The following RPL23 variants were observed in gnomAD, a reference collection of about 807,000 sequenced individuals.
RPL23 encodes the protein ribosomal protein L23.
For missense variants in RPL23, 79 were observed against 178.8 expected, an observed-to-expected ratio of 0.44 and a Z score of 3.18; for synonymous variants, 63 against 65.3, an observed-to-expected ratio of 0.97 and a Z score of 0.17.
rs946471150 is a variant in RPL23 at position 38,852,366 on chromosome 17, T to C, written c.226+238A>G. 5 of 495,982 alleles carry C rather than the reference T, an allele frequency of 1.0e-5. No individual in the cohort carries two copies. The East Asian group carries it at 1.1e-4, about 11-fold the overall frequency. The allele number at this position is 495,982 out of a possible 1,614,324, so 30.7% of individuals were successfully genotyped here. A position where few individuals can be genotyped will look rare whatever the true frequency, so the allele number is the denominator to read the frequency against. ...GGCTGGGCGACAGAGAGAGACTCCA[T>C]CTCAAAAAACAAAACAAAACAAAAC... On this transcript the variant is annotated intron_variant, in intron 3 of 4. Coordinates refer to ENST00000479035, the MANE Select transcript of RPL23 (RefSeq NM_000978.4).
At position 38,849,527 on chromosome 17, in the gene RPL23, G is replaced by A. The variant is rs1912944306; in HGVS notation, c.*605C>T. On this transcript the variant is annotated 3_prime_UTR_variant, in exon 5 of 5. Coordinates refer to ENST00000479035, the MANE Select transcript of RPL23 (RefSeq NM_000978.4). Reference sequence around the variant, plus strand: ...TAATTTTTGTATTTTTAGAAAAGAGGAGGTTTCACCACGTTGGTCAGCCTG... The same window carrying A: ...TAATTTTTGTATTTTTAGAAAAGAGAAGGTTTCACCACGTTGGTCAGCCTG... 1 of 151,022 alleles carries A rather than the reference G, an allele frequency of 6.6e-6. No homozygotes were observed. The highest frequency in any genetic ancestry group is 2.1e-4 in the South Asian group (1 of 4,802). The allele number at this position is 151,022 out of a possible 1,614,324, so 9.4% of individuals were successfully genotyped here.
At chr17:38,852,978 A>T in intron 2 of RPL23, 44 bp downstream of exon 2, 1 of 1,557,928 alleles carries the variant, frequency 6.4e-7, no homozygotes, top group South Asian at 1.1e-5. Context: ...AGGCCCATTG[A>T]GTGCTTTTAA....
At chr17:38,852,566 T>C in intron 3 of RPL23, 38 bp downstream of exon 3, 1 of 1,610,232 alleles carries the variant, frequency 6.2e-7, no homozygotes, top group Non-Finnish European at 8.5e-7. Context: ...GTCCCCCCAC[T>C]ACTCATCAGT....
At chr17:38,851,208 G>C (rs1304317801) in intron 3 of RPL23, 1 of 152,172 alleles carries the variant, frequency 6.6e-6, no homozygotes, top group Non-Finnish European at 1.5e-5. Context: ...ACTGATACTA[G>C]CATGGGGTCC....
At chr17:38,850,309 G>C in intron 4 of RPL23, 53 bp downstream of exon 4, 2 of 1,569,080 alleles carry the variant, frequency 1.3e-6, no homozygotes, top group South Asian at 2.2e-5. Context: ...TGTACTTCTA[G>C]ACAATCCACC....
Position 38,848,356 on chromosome 17 carries a change from A to G in RPL23, c.*1776T>C, listed in dbSNP as rs991631552. 2 of 195,128 alleles carry G rather than the reference A, an allele frequency of 1.0e-5. No homozygotes were observed. The highest frequency in any genetic ancestry group is 6.0e-5 in the Admixed American group (1 of 16,632). The allele number at this position is 195,128 out of a possible 1,614,324, so 12.1% of individuals were successfully genotyped here. ...GGGGTTCAAGCAATTCTCCTGCCTCAGCCTCCCAAGTAGCTGGGATTACAG... is the reference window on the plus strand; with the variant it reads ...GGGGTTCAAGCAATTCTCCTGCCTCGGCCTCCCAAGTAGCTGGGATTACAG... On this transcript the variant is annotated 3_prime_UTR_variant, in exon 5 of 5. Transcript: ENST00000479035.
intron 1 of RPL23, 105 bp from the exon 2 acceptor site, chr17:38,853,210 T>C (rs1235253589): frequency 8.2e-6 from 7 of 850,500 alleles, no homozygotes; most frequent in Non-Finnish European, 1.4e-5. Flanking sequence ...CATGCTTTGA[T>C]AGACTGTACG....
rs555809187 is a variant in RPL23, at chr17:38,850,592, T to C, written c.227-117A>G. On this transcript the variant is annotated intron_variant, in intron 3 of 4. Coordinates refer to ENST00000479035, the MANE Select transcript of RPL23 (RefSeq NM_000978.4). ...GCGTTTGAGACAGTGACAGTGTAAA[T>C]ATCAATCTTCAAGGTGATCCTCCCA... 1.9e-4 allele frequency: 135 copies of C among 701,998 alleles called. 1 individual carries two copies. In the South Asian group the frequency reaches 2.1e-3, roughly 11 times the overall value. 43.5% of individuals were successfully genotyped at this position (701,998 alleles called of 1,614,324 possible).
chr17:38,852,887 AAAC>A lies in RPL23; in HGVS notation c.97+132_97+134del, dbSNP rs755125164. 23 of 1,367,048 alleles carry A rather than the reference AAAC, an allele frequency of 1.7e-5. No homozygotes were observed. The East Asian group carries it at 2.5e-4, about 15-fold the overall frequency. 84.7% of individuals were successfully genotyped at this position (1,367,048 alleles called of 1,614,324 possible). On this transcript the variant is annotated intron_variant, in intron 2 of 4. Coordinates refer to ENST00000479035, the MANE Select transcript of RPL23 (RefSeq NM_000978.4). ...GCCTTGTCACACCACCGATTGAAGC[AAAC>A]AACACATGTTGCCACTTCACCCAAA...
Position 38,848,001 on chromosome 17 carries a change from A to T in RPL23, c.*2131T>A. On this transcript the variant is annotated 3_prime_UTR_variant, in exon 5 of 5. Coordinates refer to ENST00000479035, the MANE Select transcript of RPL23 (RefSeq NM_000978.4). ...GGAGGATTCCAAGTCCAGCAGTTCA[A>T]AGTTACAGTGAGCTTCAGTGGTGTT... is the stretch of plus-strand genomic sequence containing the variant. The T allele has an allele frequency of 6.5e-7, 1 of 1,550,140 alleles. No homozygotes were observed. The highest frequency in any genetic ancestry group is 1.2e-5 in the South Asian group (1 of 83,898).
chr17:38,850,145 C>T lies in RPL23; in HGVS notation c.410G>A (p.Gly137Asp), dbSNP rs1431574496. Residue 137 changes from glycine to aspartate, a missense_variant, in exon 5 of 5, where the codon GGC becomes GAC. Coordinates refer to ENST00000479035, the MANE Select transcript of RPL23 (RefSeq NM_000978.4). Reference protein sequence around the residue: ...DLWPRIASNAGSIA With the variant: ...DLWPRIASNADSIA ...TATACTGGAGAATCATGCAATGCTG[C>T]CAGCATTGGATGCAATCCGGGGCCA... 1.3e-6 allele frequency: 2 copies of T among 1,598,228 alleles called. No homozygotes were observed. Among genetic ancestry groups the T allele is most frequent in the Admixed American group, 3.4e-5 (2 of 58,398 alleles).
At chr17:38,851,889 G>A (rs1913012733) in intron 3 of RPL23, 1 of 152,172 alleles carries the variant, frequency 6.6e-6, no homozygotes, top group Admixed American at 6.6e-5. Flanking sequence ...GACATCCCAG[G>A]GTAGAGACAG....
In RPL23 at chr17:38,849,998, A is replaced by G. The variant is rs11656260; in HGVS notation, c.*134T>C. ...CCAGGCATGACGGCAGGTGCCTGTA[A>G]TCCCAGCTACTTAGGAGGCTGAGGC... On this transcript the variant is annotated 3_prime_UTR_variant, in exon 5 of 5. Transcript: ENST00000479035. 6.4e-6 allele frequency: 4 copies of G among 628,960 alleles called. No individual in the cohort carries two copies. The highest frequency in any genetic ancestry group is 3.8e-5 in the African/African-American group (2 of 52,824). The allele number at this position is 628,960 out of a possible 1,614,324, so 39.0% of individuals were successfully genotyped here.
In RPL23 at chr17:38,852,656, A is replaced by C; in HGVS notation, c.174T>G (p.Gly58=). The C allele has an allele frequency of 6.2e-6, 10 of 1,613,224 alleles. No homozygotes were observed. The highest frequency in any genetic ancestry group is 7.6e-6 in the Non-Finnish European group (9 of 1,180,016). ...RLNRLPAAGV[G]DMVMATVKKG... ...TCTTGACTGTGGCCATCACCATGTC[A>C]CCCACACCAGCAGCGGGAAGTCTGT... The change falls in exon 3 of 5, where the codon GGT becomes GGG. Residue 58 remains glycine (G), a synonymous_variant. Coordinates refer to ENST00000479035, the MANE Select transcript of RPL23 (RefSeq NM_000978.4).
In RPL23 at chr17:38,850,448, C is replaced by A; in HGVS notation, c.254G>T (p.Arg85Leu). 1 of 1,613,894 alleles carries A rather than the reference C, an allele frequency of 6.2e-7. No homozygotes were observed. The highest frequency in any genetic ancestry group is 8.5e-7 in the Non-Finnish European group (1 of 1,179,960). The change falls in exon 4 of 5, where the codon CGA (arginine) becomes CTA (leucine). Residue 85 changes from arginine (R) to leucine (L), a missense_variant. By Grantham distance (102) the Arg-to-Leu change is moderately radical. Transcript: ENST00000479035. ...GCCATCTTTTCTACGGTATGACTTTCGTTGTCGAATGACCACTGCTGGATG... is the reference window on the plus strand; with the variant it reads ...GCCATCTTTTCTACGGTATGACTTTAGTTGTCGAATGACCACTGCTGGATG... Reference protein sequence around the residue: ...KVHPAVVIRQRKSYRRKDGVF... With the variant: ...KVHPAVVIRQLKSYRRKDGVF...
In RPL23 at chr17:38,849,861, G is replaced by C. The variant is rs1406763169; in HGVS notation, c.*271C>G. On this transcript the variant is annotated 3_prime_UTR_variant, in exon 5 of 5. Coordinates refer to ENST00000479035, the MANE Select transcript of RPL23 (RefSeq NM_000978.4). ...CCATTTCAGAAAAGTGATGGTCAGG[G>C]TATGTCAAAAACACTGTAGAGGCCT... 3.3e-6 allele frequency: 1 copy of C among 307,396 alleles called. No homozygotes were observed. Among genetic ancestry groups the C allele is most frequent in the Non-Finnish European group, 5.9e-6 (1 of 169,506 alleles). The allele number at this position is 307,396 out of a possible 1,614,324, so 19.0% of individuals were successfully genotyped here. A position where few individuals can be genotyped will look rare whatever the true frequency, so the allele number is the denominator to read the frequency against.
rs1475510020 is a variant in RPL23 at position 38,848,199 on chromosome 17, T to G, written c.*1933A>C. On this transcript the variant is annotated 3_prime_UTR_variant, in exon 5 of 5. Coordinates refer to ENST00000479035, the MANE Select transcript of RPL23 (RefSeq NM_000978.4). ...AAAGCTGACTTGAAATTGACCATACTCAGGGATGTTATGGTGTAACTCTCT... is the reference window on the plus strand; with the variant it reads ...AAAGCTGACTTGAAATTGACCATACGCAGGGATGTTATGGTGTAACTCTCT... 3.2e-6 allele frequency: 3 copies of G among 932,306 alleles called. No homozygotes were observed. The African/African-American group carries it at 5.1e-5, about 16-fold the overall frequency. The allele number at this position is 932,306 out of a possible 1,614,324, so 57.8% of individuals were successfully genotyped here. A position where few individuals can be genotyped will look rare whatever the true frequency, so the allele number is the denominator to read the frequency against.
chr17:38,852,241 C>G (rs1483775959), intron 3 of RPL23: 1 of 195,596 alleles, frequency 5.1e-6, no homozygotes, highest in Non-Finnish European at 1.1e-5. Flanking sequence ...ATAAAATAAG[C>G]AACGGGCAGC....
At position 38,852,650 on chromosome 17, in the gene RPL23, C is replaced by T; in HGVS notation, c.180G>A (p.Met60Ile). 6.2e-7 allele frequency: 1 copy of T among 1,613,178 alleles called. No homozygotes were observed. The highest frequency in any genetic ancestry group is 1.1e-5 in the South Asian group (1 of 91,050). Residue 60 changes from methionine (M) to isoleucine (I), a missense_variant, in exon 3 of 5, where the codon ATG (methionine) becomes ATA (isoleucine). Coordinates refer to ENST00000479035, the MANE Select transcript of RPL23 (RefSeq NM_000978.4). ...TGCCTTTCTTGACTGTGGCCATCAC[C>T]ATGTCACCCACACCAGCAGCGGGAA... ...NRLPAAGVGDMVMATVKKGKP... is the reference protein window; with the variant it reads ...NRLPAAGVGDIVMATVKKGKP...
Sources: allele counts gnomAD v4.1 joint callset, GRCh38; gene constraint gnomAD v4.1.1; transcripts MANE v1.5; gene names NCBI Gene and HGNC (gene_info 2026-07-23, HGNC 2026-07-21).